The following TMEM132D variants were observed in gnomAD, a reference collection of about 807,000 sequenced individuals.
The protein encoded by TMEM132D is transmembrane protein 132D.
A neutral mutation model predicts 62.3 loss-of-function variants in TMEM132D; 21 were observed. That is an observed-to-expected ratio of 0.34 (90% CI 0.24 to 0.49). The LOEUF (loss-of-function observed/expected upper bound fraction) is 0.49. TMEM132D is among the 20% of genes least tolerant of loss of function. TMEM132D has a pLI of 0.99. For synonymous variants in TMEM132D, 621 were observed against 575.6 expected (o/e 1.08, Z -1.13); for missense variants, 1,346 against 1,402.8 (o/e 0.96, Z 0.65).
At chr12:129,729,985 A>T (rs1283336054) in intron 1 of TMEM132D, among the ~76,000 whole-genome samples, 2 of 152,038 alleles carry the variant, frequency 1.3e-5, no homozygotes, top group Non-Finnish European at 2.9e-5. Flanking sequence ...AATTGCTCCT[A>T]ACTCCACGGC....
chr12:129,374,511 G>A (rs1182552039), intron 3 of TMEM132D, among the ~76,000 whole-genome samples: 3 of 152,112 alleles, frequency 2.0e-5, no homozygotes, highest in African/African-American at 4.8e-5. Context: ...GAATTTAGAG[G>A]GGATTCGGAG....
chr12:129,242,605 A>AT (rs991314823), intron 4 of TMEM132D, among the ~76,000 whole-genome samples: 9 of 151,974 alleles, frequency 5.9e-5, no homozygotes, highest in African/African-American at 1.7e-4. Context: ...ATTTGAATTC[A>AT]TTTTTTGTGC....
chr12:129,672,039 G>A (rs1310341102), intron 2 of TMEM132D, among the ~76,000 whole-genome samples: 5 of 152,314 alleles, frequency 3.3e-5, no homozygotes, highest in Middle Eastern at 3.4e-3. Flanking sequence ...TGACCTGATC[G>A]TGCAAAAATG....
chr12:129,662,914 T>G (rs1880279242), intron 2 of TMEM132D, among the ~76,000 whole-genome samples: 1 of 152,130 alleles, frequency 6.6e-6, no homozygotes, highest in Admixed American at 6.5e-5. Flanking sequence ...ATTATTTTTC[T>G]CATTTAAAAG....
At chr12:129,481,778 C>T (rs1175040078) in intron 3 of TMEM132D, among the ~76,000 whole-genome samples, 1 of 152,028 alleles carries the variant, frequency 6.6e-6, no homozygotes, top group Non-Finnish European at 1.5e-5. Flanking sequence ...ATTAAAACTG[C>T]ACATATCCTG....
chr12:129,794,814 A>AT (rs1229455202), intron 1 of TMEM132D, among the ~76,000 whole-genome samples: 1 of 152,078 alleles, frequency 6.6e-6, no homozygotes, highest in East Asian at 1.9e-4. Flanking sequence ...CTGATGTTTG[A>AT]TTTTTTTAAA....
chr12:129,475,373 C>A (rs941824696), intron 3 of TMEM132D, among the ~76,000 whole-genome samples: 2 of 152,140 alleles, frequency 1.3e-5, no homozygotes, highest in Admixed American at 1.3e-4. Context: ...TTCATGCCTA[C>A]AACTCTTCAT....
chr12:129,535,866 G>A (rs558584299), intron 2 of TMEM132D, among the ~76,000 whole-genome samples: 2 of 151,490 alleles, frequency 1.3e-5, no homozygotes, highest in African/African-American at 4.8e-5. Context: ...AGGGGGACAG[G>A]GAGAGAAGTT....
chr12:129,664,702 G>A (rs1593111339), intron 2 of TMEM132D, among the ~76,000 whole-genome samples: 1 of 152,210 alleles, frequency 6.6e-6, no homozygotes, highest in African/African-American at 2.4e-5. Flanking sequence ...TGGGATTACA[G>A]GTGTGAGCCA....
intron 4 of TMEM132D, among the ~76,000 whole-genome samples, chr12:129,291,789 A>G (rs1881456470): frequency 6.6e-6 from 1 of 152,128 alleles, no homozygotes; most frequent in South Asian, 2.1e-4. Flanking sequence ...GGAAATGGCT[A>G]TGGGGCTATT....
chr12:129,802,009 G>A lies in TMEM132D; in HGVS notation c.79+101252C>T, dbSNP rs970426390. Among the ~76,000 whole-genome samples, 19 of 149,628 alleles carry A rather than the reference G, an allele frequency of 1.3e-4. No homozygotes were observed. The East Asian group carries it at 1.4e-3, about 11-fold the overall frequency. ...GAGAAAAAAGAATAACAAGAAATGAGCAAAGCCTCCAAGAAATATGGGACT... is the reference window on the plus strand; with the variant it reads ...GAGAAAAAAGAATAACAAGAAATGAACAAAGCCTCCAAGAAATATGGGACT... On this transcript the variant is annotated intron_variant, in intron 1 of 8. Coordinates refer to ENST00000422113, the MANE Select transcript of TMEM132D (RefSeq NM_133448.3).
chr12:129,228,754 T>C (rs1459696014), intron 4 of TMEM132D, among the ~76,000 whole-genome samples: 1 of 152,230 alleles, frequency 6.6e-6, no homozygotes, highest in African/African-American at 2.4e-5. Flanking sequence ...GCTTTCCATT[T>C]AACAAAAATC....
rs1016309196 is a variant in TMEM132D, at chr12:129,346,047, G to A, written c.1116-8230C>T. On this transcript the variant is annotated intron_variant, in intron 3 of 8. Coordinates refer to ENST00000422113, the MANE Select transcript of TMEM132D (RefSeq NM_133448.3). ...CCTCTTTGTACCTCTGGTAAAATTC[G>A]GCTGTGAATCCATCTGGTCCTGGGC... is the stretch of plus-strand genomic sequence containing the variant. Among the ~76,000 whole-genome samples, 4 of 152,184 alleles carry A rather than the reference G, an allele frequency of 2.6e-5. No homozygotes were observed. In the East Asian group the frequency reaches 7.7e-4, roughly 29 times the overall value.
At position 129,209,567 on chromosome 12, in the gene TMEM132D, G is replaced by C. The variant is rs371059619; in HGVS notation, c.1396C>G (p.Leu466Val). ...GATCTACACTCCACAGACTCCAGCA[G>C]CTCTGTCACTGTGCCGTCGTCCTCC... ...SVEDDGTVTE[L>V]LESVECRSSD... Residue 466 changes from leucine (L) to valine (V), a missense_variant, in exon 5 of 9, where the codon CTG (leucine) becomes GTG (valine). Coordinates refer to ENST00000422113, the MANE Select transcript of TMEM132D (RefSeq NM_133448.3). The C allele has an allele frequency of 6.2e-6, 10 of 1,614,192 alleles. No individual in the cohort carries two copies. The South Asian group carries it at 1.1e-4, about 18-fold the overall frequency.
In TMEM132D at chr12:129,187,760, G is replaced by A. The variant is rs192103618; in HGVS notation, c.1443+21760C>T. On this transcript the variant is annotated intron_variant, in intron 5 of 8. Coordinates refer to ENST00000422113, the MANE Select transcript of TMEM132D (RefSeq NM_133448.3). ...GTCATCCTTCCAAATAGGACAAAAC[G>A]AAGCAATCACACATTTCCACAAAGA... is the stretch of plus-strand genomic sequence containing the variant. Among the ~76,000 whole-genome samples the A allele has an allele frequency of 9.8e-4, 150 of 152,294 alleles. 1 individual carries two copies. Among genetic ancestry groups the A allele is most frequent in the Non-Finnish European group, 1.6e-3 (109 of 68,024 alleles).
At position 129,765,403 on chromosome 12, in the gene TMEM132D, C is replaced by T. The variant is rs180724217; in HGVS notation, c.80-64705G>A. On this transcript the variant is annotated intron_variant, in intron 1 of 8. Coordinates refer to ENST00000422113, the MANE Select transcript of TMEM132D (RefSeq NM_133448.3). ...CCAACATGGAGAAACCCCATCTCTA[C>T]TAAAAACACAAAATTTGCCAGGCAT... is the stretch of plus-strand genomic sequence containing the variant. 1.5e-3 allele frequency among the ~76,000 whole-genome samples: 233 copies of T among 152,122 alleles called. 1 individual carries two copies. Among genetic ancestry groups the T allele is most frequent in the African/African-American group, 4.6e-3 (192 of 41,498 alleles).
intron 3 of TMEM132D, among the ~76,000 whole-genome samples, chr12:129,528,121 C>T (rs1179263536): frequency 6.6e-6 from 1 of 152,112 alleles, no homozygotes. Context: ...AACTAGAAAA[C>T]ACTCAAAGAG....
intron 1 of TMEM132D, chr12:129,854,595 G>T (rs1009804325): frequency 8.5e-5 from 13 of 152,128 alleles, no homozygotes; most frequent in Admixed American, 4.6e-4. Flanking sequence ...AATGAGAACG[G>T]CCCACCAGGA....
intron 1 of TMEM132D, among the ~76,000 whole-genome samples, chr12:129,814,611 C>A (rs1158072577): frequency 2.5e-3 from 233 of 94,534 alleles, no homozygotes; most frequent in South Asian, 3.5e-3. Context: ...AACTCCCTCT[C>A]AAAAAAAAAA....
Sources: gnomAD v4.1 joint callset for allele counts (sites outside exome capture counted in the v4.1 genomes callset) on GRCh38, gnomAD v4.1.1 for gene constraint, MANE v1.5 for transcripts, NCBI Gene and HGNC (gene_info 2026-07-23, HGNC 2026-07-21) for gene names.